Variants in POU2F2 observed in about 807,000 individuals in gnomAD.
The protein encoded by POU2F2 is POU class 2 homeobox 2.
In POU2F2, 14 loss-of-function variants were observed where a neutral mutation model predicts 63.5. The observed-to-expected ratio is 0.22, with a 90% CI of 0.15 to 0.34. The LOEUF (loss-of-function observed/expected upper bound fraction) is 0.34, where lower values mean the gene tolerates loss of function less well. Among genes scored for constraint, POU2F2 ranks in the 10% least tolerant of loss-of-function variants. The probability of loss-of-function intolerance (pLI) is 1.00; values close to 1 mark genes in which losing one functional copy is unlikely to be tolerated. For synonymous variants in POU2F2, 306 were observed against 348.6 expected (o/e 0.88, Z 1.36); for missense variants, 607 against 815.2 (o/e 0.74, Z 3.11).
intron 1 of POU2F2, among the ~76,000 whole-genome samples, chr19:42,187,278 A>G (rs942266560): frequency 6.6e-6 from 1 of 152,046 alleles, no homozygotes; most frequent in Non-Finnish European, 1.5e-5. Flanking sequence ...AGCCTGGCCA[A>G]CATGGCGAAA....
At chr19:42,179,916 T>A (rs1171350277), upstream of POU2F2, among the ~76,000 whole-genome samples, 1 of 152,000 alleles carries the variant, frequency 6.6e-6, no homozygotes, top group Non-Finnish European at 1.5e-5. Flanking sequence ...AATACTACCC[T>A]CTGTCCATAC....
At chr19:42,115,080 G>A (rs553303595) in intron 5 of POU2F2, among the ~76,000 whole-genome samples, 1 of 152,086 alleles carries the variant, frequency 6.6e-6, no homozygotes, top group Non-Finnish European at 1.5e-5. Flanking sequence ...AGCCCAAAGA[G>A]GTCGAGGCTG....
At chr19:42,099,942 C>T (rs902280771) in intron 5 of POU2F2, 121 bp from the exon 6 acceptor site, 7 of 773,006 alleles carry the variant, frequency 9.1e-6, no homozygotes, top group Non-Finnish European at 1.5e-5. Flanking sequence ...CGATCTGGCA[C>T]TGGGCAGTGA....
intron 2 of POU2F2, chr19:42,157,668 A>G (rs2034481889): frequency 6.6e-6 from 1 of 152,308 alleles, no homozygotes. Flanking sequence ...GACATTAACC[A>G]TATAGAATAT....
intron 1 of POU2F2, among the ~76,000 whole-genome samples, chr19:42,194,069 C>A (rs1428045385): frequency 3.9e-5 from 6 of 152,166 alleles, no homozygotes; most frequent in Non-Finnish European, 5.9e-5. Flanking sequence ...AAAATTAACT[C>A]TATCACTGAG....
chr19:42,182,592 C>A (rs1339594191), intron 1 of POU2F2, among the ~76,000 whole-genome samples: 2 of 152,074 alleles, frequency 1.3e-5, no homozygotes, highest in Admixed American at 6.5e-5. Context: ...CCCCAGTGGC[C>A]TCCTATGGGA....
rs2034458514 is a variant in POU2F2 at position 42,156,490 on chromosome 19, C to T, written c.-9+3842G>A. On this transcript the variant is annotated intron_variant, in intron 2 of 6. Coordinates refer to the POU2F2 transcript ENST00000524801. This position sits in a 1 kb window ranked among gnomAD's most constrained non-coding sequence, Gnocchi z 4.1. ...TCACACAGCTGCCAGTTACAGACCA[C>T]CCTATAGGTCCCACCACACGGCCAT... 1 of 152,942 alleles carries T rather than the reference C, an allele frequency of 6.5e-6. No individual in the cohort carries two copies. The highest frequency in any genetic ancestry group is 2.4e-5 in the African/African-American group (1 of 41,430). The allele number at this position is 152,942 out of a possible 1,614,324, so 9.5% of individuals were successfully genotyped here.
chr19:42,188,108 T>C (rs1379566261), intron 1 of POU2F2, among the ~76,000 whole-genome samples: 1 of 152,158 alleles, frequency 6.6e-6, no homozygotes, highest in Non-Finnish European at 1.5e-5. Flanking sequence ...CTCATGCCTA[T>C]AATCCCGGCA....
chr19:42,176,011 CACCG>C (rs1189287979), exon 1 of POU2F2: 47 of 151,486 alleles, frequency 3.1e-4, no homozygotes, highest in African/African-American at 1.1e-3. Flanking sequence ...CAGACAGCAT[CACCG>C]ACCAATATCC....
chr19:42,125,688 T>A (rs1002779871), intron 1 of POU2F2, among the ~76,000 whole-genome samples: 20 of 152,256 alleles, frequency 1.3e-4, no homozygotes, highest in Admixed American at 4.6e-4. Flanking sequence ...CTGGCCTCCG[T>A]CCCTCCAGCG....
At chr19:42,139,585 A>G (rs1203806166) in intron 2 of POU2F2, among the ~76,000 whole-genome samples, 1 of 152,040 alleles carries the variant, frequency 6.6e-6, no homozygotes, top group Non-Finnish European at 1.5e-5. Flanking sequence ...GGCTACAACC[A>G]TGCGCCACCA....
chr19:42,176,031 A>G (rs1258822116), upstream of POU2F2: 1 of 147,182 alleles, frequency 6.8e-6, no homozygotes, highest in African/African-American at 2.5e-5. Context: ...TATCCTCACC[A>G]TCATCGTACT....
intron 2 of POU2F2, among the ~76,000 whole-genome samples, chr19:42,138,019 G>A (rs2034053005): frequency 6.6e-6 from 1 of 152,178 alleles, no homozygotes; most frequent in Admixed American, 6.5e-5. Context: ...ACAGGGCCTT[G>A]CAGGCCAAGG....
intron 1 of POU2F2, among the ~76,000 whole-genome samples, chr19:42,173,823 G>C (rs1429188499): frequency 6.6e-6 from 1 of 152,126 alleles, no homozygotes; most frequent in Non-Finnish European, 1.5e-5. Flanking sequence ...CAGGGAAATG[G>C]GGGTCTGGAC....
chr19:42,186,247 C>G (rs528963259), intron 1 of POU2F2, among the ~76,000 whole-genome samples: 1 of 152,132 alleles, frequency 6.6e-6, no homozygotes, highest in East Asian at 1.9e-4. Context: ...ATGGTGTGAA[C>G]CCGGGAGGCA....
chr19:42,168,637 C>G (rs922707391), intron 1 of POU2F2, among the ~76,000 whole-genome samples: 3 of 152,160 alleles, frequency 2.0e-5, no homozygotes, highest in Non-Finnish European at 2.9e-5. Flanking sequence ...AATCTGGGCC[C>G]CAGGTGAAAG....
chr19:42,180,371 G>C (rs1260251811), upstream of POU2F2, among the ~76,000 whole-genome samples: 1 of 152,048 alleles, frequency 6.6e-6, no homozygotes. Flanking sequence ...ATAGTGAGGA[G>C]AGAACTCAAA....
chr19:42,173,797 C>A (rs2034817683), intron 1 of POU2F2, among the ~76,000 whole-genome samples: 1 of 152,182 alleles, frequency 6.6e-6, no homozygotes, highest in African/African-American at 2.4e-5. Context: ...TTCACCAGCA[C>A]ATGCCAGCAC....
intron 5 of POU2F2, among the ~76,000 whole-genome samples, chr19:42,104,444 A>G (rs2077259450): frequency 6.6e-6 from 1 of 151,872 alleles, no homozygotes; most frequent in South Asian, 2.1e-4. Context: ...TTCTGGCAAA[A>G]GAGTAGAAGG....
Sources: gnomAD v4.1 joint callset for allele counts (sites outside exome capture counted in the v4.1 genomes callset) on GRCh38, gnomAD v4.1.1 for gene constraint, Gnocchi (gnomAD v3.1) non-coding constraint, MANE v1.5 for transcripts, NCBI Gene and HGNC (gene_info 2026-07-23, HGNC 2026-07-21) for gene names.